Variants in PFKFB3 observed in about 807,000 individuals in gnomAD.
PFKFB3 encodes the protein 6-phosphofructo-2-kinase/fructose-2,6-biphosphatase 3, also known as 6-phosphofructo-2-kinase/fructose-2,6-bisphosphatase 3.
A neutral mutation model predicts 68.0 loss-of-function variants in PFKFB3; 33 were observed. The observed-to-expected ratio is 0.49, with a 90% CI of 0.37 to 0.65. The LOEUF is 0.65. Ranked by LOEUF, PFKFB3 falls within the 30% of genes least tolerant of loss-of-function variation. PFKFB3 has a pLI of 0.00. For missense variants in PFKFB3, 586 were observed against 712.2 expected (o/e 0.82, Z 2.02); for synonymous variants, 315 against 288.2 (o/e 1.09, Z -0.94).
chr10:6,177,415 C>CTTCTT (rs1311907121), intron 1 of PFKFB3, among the ~76,000 whole-genome samples: 3 of 39,736 alleles, frequency 7.5e-5, no homozygotes, highest in Non-Finnish European at 1.2e-4. Context: ...TTTCTTCTTT[C>CTTCTT]TCTTTCTTCC....
intron 1 of PFKFB3, among the ~76,000 whole-genome samples, chr10:6,185,479 G>A (rs74559802): frequency 0.017 from 2,535 of 152,222 alleles, 33 homozygotes; most frequent in Middle Eastern, 0.027. Context: ...GCGAGGAGAC[G>A]GCAGAGGGAC....
intron 1 of PFKFB3, among the ~76,000 whole-genome samples, chr10:6,164,636 A>G (rs1186656094): frequency 6.6e-6 from 1 of 151,820 alleles, no homozygotes; most frequent in East Asian, 1.9e-4. Context: ...GCCGTCTCTG[A>G]GTTCCCTCAG....
At chr10:6,277,783 T>G in the PFKFB3 span, 1 of 424,628 alleles carries the variant, frequency 2.4e-6, no homozygotes, top group South Asian at 1.7e-5. Context: ...GAAACCTCTT[T>G]TCTTCATAAA....
At chr10:6,249,178 TAAAAAA>T (rs71391803) in intron 14 of PFKFB3, among the ~76,000 whole-genome samples, 4 of 76,960 alleles carry the variant, frequency 5.2e-5, no homozygotes, top group African/African-American at 1.5e-4. Flanking sequence ...CCGTCTCAAT[TAAAAAA>T]AAAAAAAAAA....
intron 14 of PFKFB3, chr10:6,231,560 C>T (rs1023004277): frequency 9.1e-6 from 9 of 985,274 alleles, no homozygotes; most frequent in South Asian, 4.7e-5. Flanking sequence ...ATTGTTGCAT[C>T]GCCATCACCT....
chr10:6,209,996 C>T (rs1240011006), intron 1 of PFKFB3, among the ~76,000 whole-genome samples: 37 of 149,718 alleles, frequency 2.5e-4, no homozygotes, highest in African/African-American at 7.0e-4. Flanking sequence ...TTGTGATCCG[C>T]CCGCCTCGGC....
At chr10:6,182,878 C>T (rs1842758730) in intron 1 of PFKFB3, among the ~76,000 whole-genome samples, 1 of 152,218 alleles carries the variant, frequency 6.6e-6, no homozygotes. Context: ...AGTGCCCTTC[C>T]CAGCCCCCCA....
chr10:6,178,512 T>C (rs584826), intron 1 of PFKFB3, among the ~76,000 whole-genome samples: 150,307 of 152,166 alleles, frequency 0.99, 74,265 homozygotes, highest in Middle Eastern at 1. Flanking sequence ...AGAGGGGACT[T>C]GGGTCAGGGT....
chr10:6,259,512 A>T (rs1290099869), downstream of PFKFB3, among the ~76,000 whole-genome samples: 1 of 149,632 alleles, frequency 6.7e-6, no homozygotes, highest in Non-Finnish European at 1.5e-5. Context: ...CCATAATTCC[A>T]TTCATCCATC....
rs1187374230 is a variant in PFKFB3, at chr10:6,177,433, T to TC, written c.16+32421dup. 1.8e-3 allele frequency among the ~76,000 whole-genome samples: 165 copies of TC among 91,432 alleles called. 7 individuals are homozygous for TC. Among genetic ancestry groups the TC allele is most frequent in the Admixed American group, 0.015 (118 of 7,644 alleles). 60.0% of individuals were successfully genotyped at this position (91,432 alleles called of 152,430 possible). A position where few individuals can be genotyped will look rare whatever the true frequency, so the allele number is the denominator to read the frequency against. ...CTTCTTTCTCTTTCTTCCTTTCTTTTCTTTCTCTTTCTTTCTTTCTTTCTT... is the reference window on the plus strand; with the variant it reads ...CTTCTTTCTCTTTCTTCCTTTCTTTTCCTTTCTCTTTCTTTCTTTCTTTCTT... On this transcript the variant is annotated intron_variant, in intron 1 of 14. Transcript: ENST00000379789.
intron 1 of PFKFB3, among the ~76,000 whole-genome samples, chr10:6,189,176 T>C (rs947871892): frequency 4.9e-4 from 75 of 152,184 alleles, no homozygotes; most frequent in African/African-American, 1.6e-3. Context: ...CAATTGTCTG[T>C]AAATTCCACA....
intron 1 of PFKFB3, among the ~76,000 whole-genome samples, chr10:6,190,343 G>A (rs1310700856): frequency 2.0e-5 from 3 of 152,206 alleles, no homozygotes; most frequent in Non-Finnish European, 4.4e-5. Context: ...TACAGATTCC[G>A]TCGTTCCTTC....
intron 1 of PFKFB3, among the ~76,000 whole-genome samples, chr10:6,174,423 C>T (rs2148288): frequency 0.25 from 37,781 of 152,174 alleles, 4,899 homozygotes; most frequent in South Asian, 0.37. Flanking sequence ...TGCCTGGCCA[C>T]GTCACACTGG....
intron 1 of PFKFB3, among the ~76,000 whole-genome samples, chr10:6,150,578 C>T (rs1301669374): frequency 6.6e-6 from 1 of 152,060 alleles, no homozygotes; most frequent in East Asian, 1.9e-4. Context: ...GAGCTGAAAT[C>T]GTGGCCACTG....
intron 6 of PFKFB3, 114 bp downstream of exon 6, chr10:6,217,305 T>C (rs558735884): frequency 7.5e-6 from 7 of 939,450 alleles, no homozygotes; most frequent in Non-Finnish European, 1.0e-5. Flanking sequence ...GCCCTTAGGA[T>C]GAGCAGCCCC....
intron 1 of PFKFB3, among the ~76,000 whole-genome samples, chr10:6,183,719 G>A (rs1011400891): frequency 1.7e-4 from 25 of 146,050 alleles, no homozygotes; most frequent in Admixed American, 8.3e-4. Flanking sequence ...ACAGAGTCTC[G>A]CTCTGTCACC....
At chr10:6,181,820 GACAAAT>G (rs1207507809) in intron 1 of PFKFB3, among the ~76,000 whole-genome samples, 39 of 130,122 alleles carry the variant, frequency 3.0e-4, no homozygotes, top group African/African-American at 1.1e-3. Context: ...AAAAAAAAAA[GACAAAT>G]ACTGCATGAT....
At chr10:6,237,858 G>A (rs929386509), downstream of PFKFB3, among the ~76,000 whole-genome samples, 4 of 152,150 alleles carry the variant, frequency 2.6e-5, no homozygotes, top group South Asian at 2.1e-4. Context: ...GTGCCACCAC[G>A]CCCAGCTAAA....
chr10:6,275,482 C>T, the PFKFB3 span, among the ~76,000 whole-genome samples: 1 of 152,214 alleles, frequency 6.6e-6, no homozygotes, highest in Non-Finnish European at 1.5e-5. The surrounding 1 kb of genome is among the most constrained non-coding windows in gnomAD (Gnocchi z 4.9). Flanking sequence ...AGGCCTCTGC[C>T]GGTGACTCAC....
Sources: allele counts gnomAD v4.1 joint callset (sites outside exome capture counted in the v4.1 genomes callset), GRCh38; gene constraint gnomAD v4.1.1; non-coding constraint Gnocchi (gnomAD v3.1); transcripts MANE v1.5; gene names NCBI Gene and HGNC (gene_info 2026-07-23, HGNC 2026-07-21).